Variants in SMAD1 observed in about 807,000 individuals in gnomAD.
The protein encoded by SMAD1 is MAD, mothers against decapentaplegic homolog 1.
SMAD1 carries 6 observed loss-of-function variants against 41.6 expected under a neutral mutation model. That is an observed-to-expected ratio of 0.14 (90% CI 0.08 to 0.28). SMAD1 has a LOEUF of 0.28. Ranked by LOEUF, SMAD1 falls within the 10% of genes least tolerant of loss-of-function variation. The pLI is 1.00. For synonymous variants in SMAD1, 206 were observed against 203.2 expected (o/e 1.01, Z -0.12); for missense variants, 379 against 582.6 (o/e 0.65, Z 3.60).
chr4:145,494,181 C>T (rs1413787084), intron 1 of SMAD1, among the ~76,000 whole-genome samples: 8 of 152,142 alleles, frequency 5.3e-5, no homozygotes, highest in South Asian at 4.1e-4. Context: ...AGGCTGGTCT[C>T]GAACTCCTGA....
chr4:145,508,804 G>A (rs555573196), intron 1 of SMAD1, among the ~76,000 whole-genome samples: 1 of 152,256 alleles, frequency 6.6e-6, no homozygotes, highest in South Asian at 2.1e-4. Context: ...CAAGGTACCT[G>A]GATGGCCTCT....
At chr4:145,554,424 C>T (rs1208066859) in intron 6 of SMAD1, among the ~76,000 whole-genome samples, 1 of 151,644 alleles carries the variant, frequency 6.6e-6, no homozygotes, top group East Asian at 1.9e-4. Flanking sequence ...GTTTTTTGTA[C>T]TTTTATGATG....
chr4:145,496,700 T>C (rs1729097633), intron 1 of SMAD1, among the ~76,000 whole-genome samples: 2 of 152,216 alleles, frequency 1.3e-5, no homozygotes, highest in East Asian at 1.9e-4. Flanking sequence ...GATTTTGGTA[T>C]TGGGTGGTGG....
chr4:145,531,734 C>A (rs141808211), intron 2 of SMAD1, among the ~76,000 whole-genome samples: 244 of 152,122 alleles, frequency 1.6e-3, no homozygotes, highest in African/African-American at 5.4e-3. Context: ...ACTAAGGTGT[C>A]TTGACTCTAA....
At chr4:145,549,078 G>C (rs1049221150) in intron 5 of SMAD1, among the ~76,000 whole-genome samples, 4 of 152,144 alleles carry the variant, frequency 2.6e-5, no homozygotes, top group African/African-American at 9.7e-5. Context: ...AGAAGGGGGA[G>C]TAATTCTTTC....
chr4:145,525,156 T>G (rs1730961645), intron 2 of SMAD1, among the ~76,000 whole-genome samples: 1 of 152,198 alleles, frequency 6.6e-6, no homozygotes, highest in African/African-American at 2.4e-5. Context: ...TAATTTGGTT[T>G]TACTTTCAGC....
intron 1 of SMAD1, among the ~76,000 whole-genome samples, chr4:145,511,516 C>T (rs1016162327): frequency 1.3e-5 from 2 of 152,176 alleles, no homozygotes; most frequent in African/African-American, 2.4e-5. Context: ...ATCCTTCTAC[C>T]TTGGCTTCCC....
At chr4:145,483,774 C>T (rs530088324) in intron 1 of SMAD1, among the ~76,000 whole-genome samples, 2 of 152,270 alleles carry the variant, frequency 1.3e-5, no homozygotes, top group Admixed American at 6.5e-5. Flanking sequence ...AGGATCCAGG[C>T]AGGATCGAGT....
intron 6 of SMAD1, among the ~76,000 whole-genome samples, chr4:145,555,111 T>C (rs1732767415): frequency 6.6e-6 from 1 of 152,206 alleles, no homozygotes; most frequent in African/African-American, 2.4e-5. Context: ...GTTTGCTTTT[T>C]GCAGTATACT....
intron 1 of SMAD1, among the ~76,000 whole-genome samples, chr4:145,498,312 A>G (rs1257977269): frequency 2.0e-5 from 3 of 152,182 alleles, no homozygotes; most frequent in African/African-American, 7.2e-5. Context: ...TTCCATTCCT[A>G]TCCATATCAT....
intron 1 of SMAD1, chr4:145,503,719 G>A (rs1346621330): frequency 6.6e-6 from 1 of 152,150 alleles, no homozygotes. Context: ...CCCAGCCTAG[G>A]CCACTGTCTG....
intron 1 of SMAD1, among the ~76,000 whole-genome samples, chr4:145,502,143 G>A (rs751227613): frequency 1.4e-4 from 21 of 152,162 alleles, no homozygotes; most frequent in Non-Finnish European, 2.4e-4. Flanking sequence ...ATCTTAAAAT[G>A]TCTGTGGTCT....
chr4:145,502,270 C>T (rs1160151569), intron 1 of SMAD1, among the ~76,000 whole-genome samples: 2 of 152,142 alleles, frequency 1.3e-5, no homozygotes, highest in Admixed American at 1.3e-4. Context: ...AGCTGGACAT[C>T]TTGAAAGGCT....
rs370974871 is a variant in SMAD1 at position 145,495,292 on chromosome 4, C to T, written c.-177+13254C>T. ...AGTGTCATGACCGTTTCTGCCACAC[C>T]AGCACACAGTTTGTGTGCTTTATCT... is the stretch of plus-strand genomic sequence containing the variant. On this transcript the variant is annotated intron_variant, in intron 1 of 6. Coordinates refer to ENST00000302085, the MANE Select transcript of SMAD1 (RefSeq NM_005900.3). Among the ~76,000 whole-genome samples, 63 of 152,264 alleles carry T rather than the reference C, an allele frequency of 4.1e-4. 3 individuals are homozygous for T. In the East Asian group the frequency reaches 4.2e-3, roughly 10 times the overall value.
At chr4:145,500,161 GTCTCCCTACCCACCAC>G (rs1469601241) in intron 1 of SMAD1, among the ~76,000 whole-genome samples, 1 of 151,954 alleles carries the variant, frequency 6.6e-6, no homozygotes, top group African/African-American at 2.4e-5. Flanking sequence ...TTCCTAACTG[GTCTCCCTACCCACCAC>G]TCCCTACTTC....
chr4:145,507,389 A>G (rs1462901804), intron 1 of SMAD1, among the ~76,000 whole-genome samples: 1 of 152,006 alleles, frequency 6.6e-6, no homozygotes, highest in African/African-American at 2.4e-5. Context: ...TTCTGCGTAC[A>G]GTTTTCCCCA....
At chr4:145,503,440 G>A (rs1729581385) in intron 1 of SMAD1, among the ~76,000 whole-genome samples, 1 of 152,178 alleles carries the variant, frequency 6.6e-6, no homozygotes, top group Non-Finnish European at 1.5e-5. Context: ...TCAGTAAAGA[G>A]CAAGGTTTTA....
rs376803119 is a variant in SMAD1, at chr4:145,542,665, G to A, written c.742G>A (p.Ala248Thr). 3 of 1,612,606 alleles carry A rather than the reference G, an allele frequency of 1.9e-6. No individual in the cohort carries two copies. Among genetic ancestry groups the A allele is most frequent in the African/African-American group, 2.7e-5 (2 of 74,862 alleles). The change falls in exon 4 of 7, where the codon GCG becomes ACG. Residue 248 changes from alanine (A) to threonine (T), a missense_variant. By Grantham distance (58) the Ala-to-Thr change is moderately conservative (BLOSUM62 0). Transcript: ENST00000302085. ...TCAGCCGATGGACACAAACATGATGGCGCCTCCCCTGCCCTCAGAAATCAA... is the reference window on the plus strand; with the variant it reads ...TCAGCCGATGGACACAAACATGATGACGCCTCCCCTGCCCTCAGAAATCAA... ...GSQPMDTNMMAPPLPSEINRG... is the reference protein window; with the variant it reads ...GSQPMDTNMMTPPLPSEINRG...
chr4:145,513,009 A>G (rs569382917), intron 1 of SMAD1, among the ~76,000 whole-genome samples: 5 of 152,258 alleles, frequency 3.3e-5, no homozygotes, highest in African/African-American at 1.2e-4. Context: ...TAGACTATTT[A>G]CCAGGGTTTC....
Sources: allele counts gnomAD v4.1 joint callset (sites outside exome capture counted in the v4.1 genomes callset), GRCh38; gene constraint gnomAD v4.1.1; transcripts MANE v1.5; gene names NCBI Gene and HGNC (gene_info 2026-07-23, HGNC 2026-07-21).